THSD4: variants seen among roughly 807,000 people sequenced by gnomAD.
The protein encoded by THSD4 is thrombospondin type 1 domain containing 4, also known as thrombospondin type-1 domain-containing protein 4.
Under a neutral mutation model 119.0 loss-of-function variants are expected in THSD4, and 69 were observed. The ratio of observed to expected loss-of-function variants is 0.58; its 90% CI spans 0.48 to 0.71. The LOEUF is 0.71. Among genes scored for constraint, THSD4 ranks in the 30% least tolerant of loss-of-function variants. The probability of loss-of-function intolerance (pLI) is 0.00; values close to 1 mark genes in which losing one functional copy is unlikely to be tolerated. For synonymous variants in THSD4, 524 were observed against 540.4 expected (o/e 0.97, Z 0.42); for missense variants, 1,393 against 1,391.1 (o/e 1.00, Z -0.02).
intron 4 of THSD4, among the ~76,000 whole-genome samples, chr15:71,230,932 C>T (rs997733047): frequency 6.6e-6 from 1 of 152,208 alleles, no homozygotes; most frequent in Admixed American, 6.5e-5. Flanking sequence ...TTTCAACTCC[C>T]AGGTGTCCTT....
chr15:71,342,497 G>A (rs1055718008), intron 6 of THSD4: 7 of 152,460 alleles, frequency 4.6e-5, no homozygotes, highest in African/African-American at 1.2e-4. Flanking sequence ...TGAGCTGATC[G>A]CCATGCAGGT....
chr15:71,183,105 C>T (rs2043551771), intron 3 of THSD4: 1 of 151,772 alleles, frequency 6.6e-6, no homozygotes, highest in South Asian at 2.1e-4. Context: ...GATTGACTCA[C>T]AGTTCCACAT....
chr15:71,753,668 A>G (rs1276553733), intron 14 of THSD4, among the ~76,000 whole-genome samples: 5 of 152,244 alleles, frequency 3.3e-5, no homozygotes, highest in Non-Finnish European at 5.9e-5. Flanking sequence ...CTTTAAGGAC[A>G]GTGGGTGGGT....
At chr15:71,131,982 C>T (rs1157806015) in intron 1 of THSD4, among the ~76,000 whole-genome samples, 2 of 152,208 alleles carry the variant, frequency 1.3e-5, no homozygotes, top group Admixed American at 6.5e-5. Context: ...CAGATAGTGA[C>T]TTGAGCAAAA....
rs74788981 is a variant in THSD4, at chr15:71,695,424, C to T, written c.1358-33125C>T. Among the ~76,000 whole-genome samples, 905 of 151,456 alleles carry T rather than the reference C, an allele frequency of 6.0e-3. 8 individuals are homozygous for T. Among genetic ancestry groups the T allele is most frequent in the African/African-American group, 0.018 (728 of 41,214 alleles). ...CCTGATACCTATAATTTTCTTGAGA[C>T]GCTGTAATATGGGCAGCAGGCATTA... On this transcript the variant is annotated intron_variant, in intron 8 of 17. Transcript: ENST00000261862.
chr15:71,442,660 G>GTGTGTATA, intron 7 of THSD4, among the ~76,000 whole-genome samples: 6 of 25,824 alleles, frequency 2.3e-4, no homozygotes, highest in African/African-American at 6.5e-4. Flanking sequence ...GTGTGTGTGT[G>GTGTGTATA]TATATATATA....
intron 8 of THSD4, among the ~76,000 whole-genome samples, chr15:71,709,411 C>G (rs1595881197): frequency 6.6e-6 from 1 of 152,130 alleles, no homozygotes; most frequent in South Asian, 2.1e-4. Flanking sequence ...GAAAGCTGAG[C>G]TGCAGCAATT....
chr15:71,578,916 T>C lies in THSD4; in HGVS notation c.1153-81614T>C, dbSNP rs186971578. Among the ~76,000 whole-genome samples, 5 of 148,932 alleles carry C rather than the reference T, an allele frequency of 3.4e-5. No individual in the cohort carries two copies. The East Asian group carries it at 1.0e-3, about 30-fold the overall frequency. On this transcript the variant is annotated intron_variant, in intron 7 of 17. Coordinates refer to ENST00000261862, the MANE Select transcript of THSD4 (RefSeq NM_024817.3). ...TGGAGTGTAGTGGCACAATCTCGGC[T>C]CACTGCAAGCTCTGCCTCCCGGGTT... is the stretch of plus-strand genomic sequence containing the variant.
intron 5 of THSD4, among the ~76,000 whole-genome samples, chr15:71,244,211 A>G (rs2044179700): frequency 6.6e-6 from 1 of 152,242 alleles, no homozygotes; most frequent in Non-Finnish European, 1.5e-5. Flanking sequence ...AGTGAGTAGT[A>G]GAACCAACTA....
Position 71,375,915 on chromosome 15 carries a change from G to C in THSD4, c.1016-35772G>C, listed in dbSNP as rs1207925358. ...GTGATTATGGTGAACTTCAAAGTTT[G>C]AGAACAACTGACCTAGCACTTTTCT... On this transcript the variant is annotated intron_variant, in intron 6 of 17. Transcript: ENST00000261862. 2.0e-5 allele frequency among the ~76,000 whole-genome samples: 3 copies of C among 152,272 alleles called. No individual in the cohort carries two copies. In the East Asian group the frequency reaches 5.8e-4, roughly 29 times the overall value.
intron 7 of THSD4, among the ~76,000 whole-genome samples, chr15:71,588,878 G>A (rs965796026): frequency 2.0e-5 from 3 of 152,140 alleles, no homozygotes; most frequent in African/African-American, 7.2e-5. Context: ...AGCAAAGACA[G>A]GAACAAGCAA....
At chr15:71,625,539 A>G (rs1595800232) in intron 7 of THSD4, among the ~76,000 whole-genome samples, 1 of 152,362 alleles carries the variant, frequency 6.6e-6, no homozygotes, top group East Asian at 1.9e-4. Context: ...GTTGGGTACT[A>G]GAGACTATGA....
At chr15:71,604,361 G>C (rs2050067854) in intron 7 of THSD4, among the ~76,000 whole-genome samples, 2 of 152,142 alleles carry the variant, frequency 1.3e-5, no homozygotes, top group Admixed American at 1.3e-4. Context: ...AGATTGTTTT[G>C]CCATCTTTTA....
chr15:71,523,150 A>G (rs2048467211), intron 7 of THSD4, among the ~76,000 whole-genome samples: 1 of 152,192 alleles, frequency 6.6e-6, no homozygotes, highest in Admixed American at 6.5e-5. Flanking sequence ...CAATTACTAC[A>G]AACTCAGTGG....
chr15:71,564,357 C>T (rs1364265529), intron 7 of THSD4, among the ~76,000 whole-genome samples: 1 of 152,170 alleles, frequency 6.6e-6, no homozygotes, highest in African/African-American at 2.4e-5. Context: ...AACAGCATGG[C>T]TGATTCTGCT....
intron 17 of THSD4, 138 bp downstream of exon 17, chr15:71,771,346 C>T (rs1390769860): frequency 3.5e-6 from 4 of 1,140,806 alleles, no homozygotes; most frequent in Non-Finnish European, 2.5e-6. Context: ...GGTTGAGGTG[C>T]TTTTGGTATT....
chr15:71,760,748 A>T (rs2053615398), intron 15 of THSD4, among the ~76,000 whole-genome samples: 1 of 152,216 alleles, frequency 6.6e-6, no homozygotes, highest in African/African-American at 2.4e-5. Flanking sequence ...GATCCACAAA[A>T]GTGCAACTGC....
At position 71,435,502 on chromosome 15, in the gene THSD4, T is replaced by G. The variant is rs140866433; in HGVS notation, c.1152+23679T>G. 7.7e-3 allele frequency among the ~76,000 whole-genome samples: 1,167 copies of G among 152,354 alleles called. 16 individuals are homozygous for G. Among genetic ancestry groups the G allele is most frequent in the African/African-American group, 0.026 (1,091 of 41,578 alleles). The stretch of plus-strand genomic sequence containing the variant: ...GTCTTTTAAATTTAGAGAATTTCTT[T>G]ATCTCATAAGTGACTCAAGCCAAAA... On this transcript the variant is annotated intron_variant, in intron 7 of 17. Transcript: ENST00000261862.
rs542417214 is a variant in THSD4, at chr15:71,243,161, C to T, written c.912+65C>T. On this transcript the variant is annotated intron_variant, in intron 5 of 17. Transcript: ENST00000261862. ...CCCCTCGTTTTTCTGTCATTTGGCA[C>T]TAAGCATGATGAAGACAGCAAGGAT... is the stretch of plus-strand genomic sequence containing the variant. 4.0e-6 allele frequency: 6 copies of T among 1,508,166 alleles called. No individual in the cohort carries two copies. In the South Asian group the frequency reaches 7.7e-5, roughly 19 times the overall value. The allele number at this position is 1,508,166 out of a possible 1,614,324, so 93.4% of individuals were successfully genotyped here. A position where few individuals can be genotyped will look rare whatever the true frequency, so the allele number is the denominator to read the frequency against.
Sources: allele counts gnomAD v4.1 joint callset (sites outside exome capture counted in the v4.1 genomes callset), GRCh38; gene constraint gnomAD v4.1.1; transcripts MANE v1.5; gene names NCBI Gene and HGNC (gene_info 2026-07-23, HGNC 2026-07-21).